The following CNTLN variants were observed in gnomAD, a reference collection of about 807,000 sequenced individuals.
CNTLN encodes centlein.
A neutral mutation model predicts 180.0 loss-of-function variants in CNTLN; 212 were observed. The ratio of observed to expected loss-of-function variants is 1.18; its 90% CI spans 1.05 to 1.32. The LOEUF is 1.32. CNTLN is among the 40% of genes most tolerant of loss of function. The probability of loss-of-function intolerance (pLI) is 0.00; values close to 1 mark genes in which losing one functional copy is unlikely to be tolerated. For synonymous variants in CNTLN, 722 were observed against 563.1 expected (o/e 1.28, Z -3.99); for missense variants, 2,095 against 1,610.9 (o/e 1.30, Z -5.14).
intron 10 of CNTLN, among the ~76,000 whole-genome samples, chr9:17,337,423 A>AT (rs1429081655): frequency 6.6e-6 from 1 of 152,020 alleles, no homozygotes; most frequent in Non-Finnish European, 1.5e-5. Flanking sequence ...GGATAAAACT[A>AT]TTTTTTCTGT....
intron 6 of CNTLN, among the ~76,000 whole-genome samples, chr9:17,279,305 C>T (rs1344740258): frequency 6.6e-6 from 1 of 152,082 alleles, no homozygotes; most frequent in East Asian, 1.9e-4. Flanking sequence ...AACTTTTTTA[C>T]TCTTGATTTG....
chr9:17,161,906 A>G (rs1413558856), intron 2 of CNTLN, among the ~76,000 whole-genome samples: 2 of 150,994 alleles, frequency 1.3e-5, no homozygotes, highest in Non-Finnish European at 1.5e-5. Flanking sequence ...TTTTTTTTTC[A>G]TTACATTTGC....
At chr9:17,282,736 C>G (rs1828740857) in intron 6 of CNTLN, among the ~76,000 whole-genome samples, 1 of 152,126 alleles carries the variant, frequency 6.6e-6, no homozygotes, top group Non-Finnish European at 1.5e-5. Flanking sequence ...TTTAATGAGT[C>G]TTTAACCTAT....
At chr9:17,290,171 G>A (rs1829274728) in intron 6 of CNTLN, among the ~76,000 whole-genome samples, 2 of 152,078 alleles carry the variant, frequency 1.3e-5, no homozygotes, top group African/African-American at 2.4e-5. Flanking sequence ...TGATGGTGAT[G>A]TACAGATGGG....
chr9:17,246,898 C>G (rs925398216), intron 5 of CNTLN, among the ~76,000 whole-genome samples: 10 of 147,714 alleles, frequency 6.8e-5, no homozygotes, highest in African/African-American at 1.3e-4. Context: ...TTTTTTTTTT[C>G]TGGTCCAGGG....
chr9:17,386,608 G>A (rs572672274), intron 13 of CNTLN, among the ~76,000 whole-genome samples: 20 of 152,212 alleles, frequency 1.3e-4, no homozygotes, highest in South Asian at 2.1e-4. Context: ...CTTCTTGAGC[G>A]TTCTGTATAA....
chr9:17,455,768 A>G (rs1386194747), intron 18 of CNTLN, among the ~76,000 whole-genome samples: 1 of 149,094 alleles, frequency 6.7e-6, no homozygotes, highest in East Asian at 2.0e-4. Flanking sequence ...GGGGAATGGC[A>G]GGCAGGTTTG....
At position 17,273,229 on chromosome 9, in the gene CNTLN, A is replaced by C. The variant is rs2132511482; in HGVS notation, c.850-504A>C. Reference sequence around the variant, plus strand: ...GAAAAGATCAGCTTTCAAGAACTTTAGGTAAATTTCACCACAGTCAAGAGA... The same window carrying C: ...GAAAAGATCAGCTTTCAAGAACTTTCGGTAAATTTCACCACAGTCAAGAGA... On this transcript the variant is annotated intron_variant, in intron 5 of 25. Transcript: ENST00000380647. Among the ~76,000 whole-genome samples the C allele has an allele frequency of 2.0e-5, 3 of 152,290 alleles. 1 individual carries two copies. The South Asian group carries it at 6.2e-4, about 32-fold the overall frequency.
intron 21 of CNTLN, 98 bp downstream of exon 21, chr9:17,464,721 A>G (rs552816370): frequency 2.7e-6 from 2 of 736,838 alleles, no homozygotes; most frequent in South Asian, 2.4e-5. Context: ...TATAGAAAAT[A>G]TTGATAGGAT....
intron 12 of CNTLN, among the ~76,000 whole-genome samples, chr9:17,347,114 T>C (rs1439468868): frequency 2.0e-5 from 3 of 152,222 alleles, no homozygotes; most frequent in Admixed American, 1.3e-4. Context: ...ATTTAATTTA[T>C]TTTAAGAGTG....
chr9:17,490,246 G>T (rs1364991750), intron 25 of CNTLN, among the ~76,000 whole-genome samples: 2 of 152,034 alleles, frequency 1.3e-5, no homozygotes, highest in Admixed American at 1.3e-4. Context: ...TAGGTAAGGG[G>T]CAGTGAGAGT....
intron 1 of CNTLN, among the ~76,000 whole-genome samples, 197 bp from the exon 2 acceptor site, chr9:17,143,091 A>G (rs569115336): frequency 6.6e-6 from 1 of 152,372 alleles, no homozygotes; most frequent in Admixed American, 6.5e-5. Flanking sequence ...TGATAGAAAT[A>G]GTAAAAGTGA....
chr9:17,292,515 C>G (rs1173682274), intron 6 of CNTLN, among the ~76,000 whole-genome samples: 1 of 151,974 alleles, frequency 6.6e-6, no homozygotes, highest in Non-Finnish European at 1.5e-5. Flanking sequence ...TCTTTTTTCT[C>G]TCGTCTTGTC....
intron 1 of CNTLN, among the ~76,000 whole-genome samples, chr9:17,142,613 G>A (rs535350389): frequency 6.6e-6 from 1 of 152,116 alleles, no homozygotes; most frequent in Admixed American, 6.5e-5. Context: ...TAAAATCATG[G>A]GCCTGATATG....
At chr9:17,445,425 G>C (rs1830348196) in intron 18 of CNTLN, among the ~76,000 whole-genome samples, 1 of 151,980 alleles carries the variant, frequency 6.6e-6, no homozygotes, top group African/African-American at 2.4e-5. Flanking sequence ...AGACATAGGA[G>C]ACTCCATTTT....
At chr9:17,398,103 A>T (rs972311396) in intron 15 of CNTLN, among the ~76,000 whole-genome samples, 6 of 152,158 alleles carry the variant, frequency 3.9e-5, no homozygotes, top group African/African-American at 1.4e-4. Context: ...CCCATAGTTG[A>T]ATAGTATTTA....
At chr9:17,291,588 T>G (rs891852020) in intron 6 of CNTLN, among the ~76,000 whole-genome samples, 1 of 152,198 alleles carries the variant, frequency 6.6e-6, no homozygotes, top group African/African-American at 2.4e-5. Context: ...TTGATCCCTG[T>G]TGGTTTAAAG....
chr9:17,135,358 T>A lies in CNTLN; in HGVS notation c.293T>A (p.Met98Lys), dbSNP rs374236181. ...GAGGGCATCTCGGTAGAGGAGGCGATGGTGACCCGGACGCAGCTGCTGGAG... is the reference window on the plus strand; with the variant it reads ...GAGGGCATCTCGGTAGAGGAGGCGAAGGTGACCCGGACGCAGCTGCTGGAG... The part of the protein sequence containing the change: ...RLEGISVEEA[M>K]VTRTQLLEEE... Residue 98 changes from methionine (M) to lysine (K), a missense_variant, in exon 1 of 26, where the codon ATG becomes AAG. Transcript: ENST00000380647. The A allele has an allele frequency of 1.2e-6, 2 of 1,600,834 alleles. No individual in the cohort carries two copies. The highest frequency in any genetic ancestry group is 1.7e-6 in the Non-Finnish European group (2 of 1,174,644).
intron 2 of CNTLN, among the ~76,000 whole-genome samples, chr9:17,214,666 A>G (rs1012041695): frequency 9.2e-5 from 14 of 152,042 alleles, no homozygotes; most frequent in African/African-American, 3.4e-4. Flanking sequence ...TCTTGGTTCC[A>G]TTGTCCCCAT....
Sources: gnomAD v4.1 joint callset for allele counts (sites outside exome capture counted in the v4.1 genomes callset) on GRCh38, gnomAD v4.1.1 for gene constraint, MANE v1.5 for transcripts, NCBI Gene and HGNC (gene_info 2026-07-23, HGNC 2026-07-21) for gene names.